RUVBL1: variants seen among roughly 807,000 people sequenced by gnomAD.
RUVBL1 encodes ruvB-like 1.
A neutral mutation model predicts 52.4 loss-of-function variants in RUVBL1; 4 were observed. The ratio of observed to expected loss-of-function variants is 0.08; its 90% confidence interval spans 0.04 to 0.17. The LOEUF (loss-of-function observed/expected upper bound fraction) is 0.17. Ranked by LOEUF, RUVBL1 falls within the 10% of genes least tolerant of loss-of-function variation. The pLI, the probability that RUVBL1 is intolerant of heterozygous loss-of-function variation, is 1.00. For synonymous variants in RUVBL1, 217 were observed against 214.4 expected (o/e 1.01, Z -0.10); for missense variants, 298 against 572.8 (o/e 0.52, Z 4.90).
At chr3:128,144,593 G>A (rs1944075969) in intron 1 of RUVBL1, among the ~76,000 whole-genome samples, 1 of 152,216 alleles carries the variant, frequency 6.6e-6, no homozygotes, top group African/African-American at 2.4e-5. Context: ...CATTCAAGAA[G>A]CAGTTATGGG....
At chr3:128,098,321 A>G (rs747139693) in intron 7 of RUVBL1, among the ~76,000 whole-genome samples, 1 of 152,262 alleles carries the variant, frequency 6.6e-6, no homozygotes, top group Non-Finnish European at 1.5e-5. Context: ...GAAAGGTCTC[A>G]GATTGCTGCC....
intron 1 of RUVBL1, among the ~76,000 whole-genome samples, chr3:128,139,578 A>G (rs1416490487): frequency 6.6e-6 from 1 of 152,242 alleles, no homozygotes; most frequent in African/African-American, 2.4e-5. Context: ...AGAAAAAGTA[A>G]TCAGTATGTC....
intron 4 of RUVBL1, 51 bp from the exon 5 acceptor site, chr3:128,101,699 T>A: frequency 2.5e-6 from 4 of 1,570,294 alleles, no homozygotes; most frequent in Non-Finnish European, 3.5e-6. Context: ...CATTTCCTTC[T>A]GACACCATGT....
At chr3:128,124,278 G>C (rs1386304301), upstream of RUVBL1, among the ~76,000 whole-genome samples, 1 of 151,930 alleles carries the variant, frequency 6.6e-6, no homozygotes, top group Non-Finnish European at 1.5e-5. Context: ...CCGTGGAATT[G>C]TCTTCCCCTG....
chr3:128,083,179 C>G (rs1157293027), intron 9 of RUVBL1: 1 of 153,270 alleles, frequency 6.5e-6, no homozygotes. Context: ...AGGCTGGCGG[C>G]GGGGATGCTG....
Position 128,109,083 on chromosome 3 carries a change from G to T in RUVBL1, c.361+3805C>A, listed in dbSNP as rs1360334760. 2.0e-5 allele frequency among the ~76,000 whole-genome samples: 3 copies of T among 152,166 alleles called. No homozygotes were observed. In the South Asian group the frequency reaches 6.2e-4, roughly 32 times the overall value. ...ACATAAACCATTCCCACACAATTAT[G>T]GCACATTGTGGGTCCCACCTAGGAG... On this transcript the variant is annotated intron_variant, in intron 3 of 10. Coordinates refer to ENST00000322623, the MANE Select transcript of RUVBL1 (RefSeq NM_003707.3).
intron 1 of RUVBL1, among the ~76,000 whole-genome samples, chr3:128,133,825 C>T (rs1360983424): frequency 6.6e-6 from 1 of 152,206 alleles, no homozygotes; most frequent in Non-Finnish European, 1.5e-5. Context: ...AAATACCTAA[C>T]TCTTCAATGC....
chr3:128,072,427 T>C (rs1576430432), intron 9 of RUVBL1, among the ~76,000 whole-genome samples: 1 of 152,338 alleles, frequency 6.6e-6, no homozygotes, highest in East Asian at 1.9e-4. Context: ...TCTTAGACCT[T>C]GTCTTGGAAA....
At chr3:128,069,740 T>C (rs1258912360) in intron 9 of RUVBL1, 1 of 1,163,804 alleles carries the variant, frequency 8.6e-7, no homozygotes, top group African/African-American at 1.5e-5. Flanking sequence ...CGCGTGCTGC[T>C]GCGGCATATG....
chr3:128,111,357 A>G (rs942198605), intron 3 of RUVBL1, among the ~76,000 whole-genome samples: 1 of 152,156 alleles, frequency 6.6e-6, no homozygotes, highest in East Asian at 1.9e-4. Flanking sequence ...TGACCACTGT[A>G]TCCCCAGGAG....
At position 128,067,578 on chromosome 3, in the gene RUVBL1, C is replaced by T; in HGVS notation, c.940-2358G>A. The T allele has an allele frequency of 1.2e-6, 2 of 1,611,486 alleles. No homozygotes were observed. Among genetic ancestry groups the T allele is most frequent in the Non-Finnish European group, 1.7e-6 (2 of 1,179,200 alleles). ...GGCTCCTGTGCATTCTTCTCCAAAA[C>T]GTGGATTGAGGTCTCAGGTTCCTCT... On this transcript the variant is annotated intron_variant, in intron 9 of 9. Transcript: ENST00000464873. This position sits in a 1 kb window ranked among gnomAD's most constrained non-coding sequence, Gnocchi z 4.1.
At chr3:128,098,758 A>C (rs1943046280) in intron 7 of RUVBL1, 124 bp downstream of exon 7, 2 of 801,746 alleles carry the variant, frequency 2.5e-6, no homozygotes, top group Non-Finnish European at 4.2e-6. Context: ...CTAAGCTATG[A>C]GGAAGAAAGA....
At chr3:128,153,211 T>C (rs1944280802) in exon 1 of RUVBL1, 9 of 1,312,380 alleles carry the variant, frequency 6.9e-6, no homozygotes, top group Non-Finnish European at 7.7e-6. Context: ...ACCCAGAAAG[T>C]CCAAATGGCT....
At chr3:128,084,526 A>T in intron 9 of RUVBL1, 1 of 152,206 alleles carries the variant, frequency 6.6e-6, no homozygotes, top group South Asian at 2.1e-4. Context: ...GCTTAAGCTA[A>T]GTGCCTCGCC....
intron 1 of RUVBL1, among the ~76,000 whole-genome samples, chr3:128,149,908 TA>T (rs1944161047): frequency 6.6e-6 from 1 of 152,250 alleles, no homozygotes; most frequent in Non-Finnish European, 1.5e-5. Context: ...ACCACCAGGC[TA>T]AAACCATACT....
chr3:128,073,176 G>C (rs574980731), intron 9 of RUVBL1, among the ~76,000 whole-genome samples: 3 of 152,278 alleles, frequency 2.0e-5, no homozygotes, highest in Admixed American at 2.0e-4. Context: ...ACTTCTGCTA[G>C]GGACGTAGCT....
downstream of RUVBL1, among the ~76,000 whole-genome samples, chr3:128,078,286 C>T (rs139069665): frequency 0.013 from 1,944 of 152,312 alleles, 31 homozygotes; most frequent in Middle Eastern, 0.037. Context: ...TTCATTTAGT[C>T]CTAAAAAACA....
At chr3:128,120,550 A>G (rs777700201) in intron 1 of RUVBL1, among the ~76,000 whole-genome samples, 7 of 152,188 alleles carry the variant, frequency 4.6e-5, no homozygotes, top group African/African-American at 1.4e-4. Context: ...CTGAGCATCT[A>G]TATCTCAGGA....
At chr3:128,085,784 C>T (rs1351712218) in intron 9 of RUVBL1, among the ~76,000 whole-genome samples, 1 of 152,062 alleles carries the variant, frequency 6.6e-6, no homozygotes, top group Admixed American at 6.5e-5. Flanking sequence ...CTGACTGCTC[C>T]AAAGGAAAGG....
Sources: allele counts gnomAD v4.1 joint callset (sites outside exome capture counted in the v4.1 genomes callset), GRCh38; gene constraint gnomAD v4.1.1; non-coding constraint Gnocchi (gnomAD v3.1); transcripts MANE v1.5; gene names NCBI Gene and HGNC (gene_info 2026-07-23, HGNC 2026-07-21).